SPC25: variants seen among roughly 807,000 people sequenced by gnomAD.
SPC25 encodes kinetochore protein Spc25.
SPC25 carries 22 observed loss-of-function variants against 29.6 expected under a neutral mutation model. The ratio of observed to expected loss-of-function variants is 0.74; its 90% CI spans 0.53 to 1.06. SPC25 has a LOEUF of 1.06. Ranked by LOEUF, SPC25 falls within the 50% of genes least tolerant of loss-of-function variation. The pLI is 0.00. For synonymous variants in SPC25, 91 were observed against 90.4 expected (o/e 1.01, Z -0.04); for missense variants, 230 against 255.8 (o/e 0.90, Z 0.69).
At chr2:168,880,883 A>T (rs1237620062) in intron 3 of SPC25, among the ~76,000 whole-genome samples, 1 of 152,182 alleles carries the variant, frequency 6.6e-6, no homozygotes, top group Non-Finnish European at 1.5e-5. Context: ...GGTGTCATTC[A>T]TGGCACTTAA....
chr2:168,878,781 G>A (rs1363603262), intron 3 of SPC25, among the ~76,000 whole-genome samples: 1 of 152,072 alleles, frequency 6.6e-6, no homozygotes, highest in East Asian at 1.9e-4. Flanking sequence ...ATTCGTTTTT[G>A]TTCTTTGTTT....
intron 3 of SPC25, 126 bp downstream of exon 3, chr2:168,889,100 T>C (rs560325217): frequency 1.6e-4 from 83 of 506,306 alleles, no homozygotes; most frequent in African/African-American, 1.5e-3. Flanking sequence ...TACACATATA[T>C]ATATACACAC....
intron 3 of SPC25, among the ~76,000 whole-genome samples, chr2:168,886,261 G>A (rs1180299617): frequency 6.6e-6 from 1 of 151,894 alleles, no homozygotes; most frequent in African/African-American, 2.4e-5. Context: ...TCACTATATT[G>A]CCCAGGCTGG....
chr2:168,883,770 T>C (rs939254023), intron 3 of SPC25, among the ~76,000 whole-genome samples: 1 of 145,856 alleles, frequency 6.9e-6, no homozygotes, highest in Admixed American at 6.7e-5. Flanking sequence ...ATGACCATTT[T>C]TTTTTCTTTT....
intron 3 of SPC25, among the ~76,000 whole-genome samples, chr2:168,883,758 G>C (rs1047823199): frequency 6.6e-6 from 1 of 150,962 alleles, no homozygotes; most frequent in Non-Finnish European, 1.5e-5. Context: ...CCTCGATGCT[G>C]TATGACCATT....
chr2:168,888,957 G>GTATATA lies in SPC25; in HGVS notation c.199+263_199+268dup, dbSNP rs796932662. Among the ~76,000 whole-genome samples the GTATATA allele has an allele frequency of 3.9e-4, 36 of 91,666 alleles. 1 individual carries two copies. Among genetic ancestry groups the GTATATA allele is most frequent in the African/African-American group, 1.4e-3 (31 of 21,548 alleles). 60.1% of individuals were successfully genotyped at this position (91,666 alleles called of 152,430 possible). A position where few individuals can be genotyped will look rare whatever the true frequency, so the allele number is the denominator to read the frequency against. On this transcript the variant is annotated intron_variant, in intron 3 of 6. Coordinates refer to ENST00000282074, the MANE Select transcript of SPC25 (RefSeq NM_020675.4). Reference sequence around the variant, plus strand: ...TGTGTGTGTGTGTGTGTGTGTGTGTGTATATATATATATATACACACACAC... The same window carrying GTATATA: ...TGTGTGTGTGTGTGTGTGTGTGTGTGTATATATATATATATATATATACACACACAC...
intron 3 of SPC25, among the ~76,000 whole-genome samples, chr2:168,882,624 A>AATAAATAG (rs139351774): frequency 3.3e-5 from 5 of 151,952 alleles, no homozygotes; most frequent in African/African-American, 9.7e-5. Flanking sequence ...TAAATAAATA[A>AATAAATAG]ACAGACAGAC....
At chr2:168,864,780 C>G in intron 4 of SPC25, 1 of 1,600,090 alleles carries the variant, frequency 6.2e-7, no homozygotes, top group Non-Finnish European at 8.5e-7. Flanking sequence ...ATCAATCGGG[C>G]TGAGGCATGT....
intron 4 of SPC25, among the ~76,000 whole-genome samples, chr2:168,864,487 T>A (rs529105898): frequency 2.8e-4 from 27 of 97,782 alleles, no homozygotes; most frequent in African/African-American, 7.8e-4. Flanking sequence ...GGTTTCACCA[T>A]GTTGGTCAGG....
chr2:168,866,062 G>A (rs1689842280), downstream of SPC25, among the ~76,000 whole-genome samples: 1 of 152,300 alleles, frequency 6.6e-6, no homozygotes, highest in Admixed American at 6.5e-5. Flanking sequence ...GTAATTTATA[G>A]ATTCAATGCC....
At chr2:168,861,545 G>T (rs1286642043) in intron 4 of SPC25, among the ~76,000 whole-genome samples, 3 of 151,606 alleles carry the variant, frequency 2.0e-5, no homozygotes, top group Non-Finnish European at 2.9e-5. Context: ...ATATATTAAG[G>T]AGTCACTGTT....
downstream of SPC25, among the ~76,000 whole-genome samples, chr2:168,869,589 AG>A (rs954278752): frequency 6.6e-6 from 1 of 152,212 alleles, no homozygotes; most frequent in African/African-American, 2.4e-5. Context: ...CCAAATCATG[AG>A]TGAACTCCCA....
chr2:168,877,257 T>C lies in SPC25; in HGVS notation c.327A>G (p.Glu109=). Residue 109 remains glutamate (E), a synonymous_variant, in exon 4 of 7, where the codon GAA becomes GAG. Coordinates refer to ENST00000282074, the MANE Select transcript of SPC25 (RefSeq NM_020675.4). ...LTANIQDLKE[E]YSRKKETIST... ...ACTTACTTTCCTTCTTCCTAGAATA[T>C]TCTTCCTTAAGATCCTGGATATTTG... 1.9e-6 allele frequency: 3 copies of C among 1,613,556 alleles called. No homozygotes were observed. Among genetic ancestry groups the C allele is most frequent in the Non-Finnish European group, 2.5e-6 (3 of 1,179,770 alleles).
At chr2:168,861,814 A>G in intron 4 of SPC25, 2 of 679,348 alleles carry the variant, frequency 2.9e-6, no homozygotes, top group Non-Finnish European at 5.0e-6. Flanking sequence ...CAAGGAATGA[A>G]CATTATATAA....
chr2:168,876,027 A>G (rs778757733), intron 5 of SPC25, 45 bp downstream of exon 5: 1 of 1,105,172 alleles, frequency 9.0e-7, no homozygotes, highest in Non-Finnish European at 1.2e-6. Flanking sequence ...AAGAAAAGAC[A>G]TACTTTTGTA....
chr2:168,889,304 T>C lies in SPC25; in HGVS notation c.134-13A>G, dbSNP rs1012891589. On this transcript the variant is annotated splice_polypyrimidine_tract_variant and intron_variant, in intron 2 of 6. Transcript: ENST00000282074. ...ACAGACAGCTTTTCTGAAAGAGAAA[T>C]TGAACTTTCAATTCAGCTGCAATAA... is the stretch of plus-strand genomic sequence containing the variant. 4.3e-6 allele frequency: 7 copies of C among 1,613,672 alleles called. No individual in the cohort carries two copies. The highest frequency in any genetic ancestry group is 1.3e-5 in the African/African-American group (1 of 74,832).
intron 3 of SPC25, among the ~76,000 whole-genome samples, chr2:168,883,424 A>G (rs1401717481): frequency 1.3e-5 from 2 of 152,234 alleles, no homozygotes; most frequent in African/African-American, 4.8e-5. Context: ...TCTTACTAGA[A>G]AGAAAAATGC....
At position 168,864,743 on chromosome 2, in the gene SPC25, T is replaced by C. The variant is rs184365209; in HGVS notation, n.419+8842A>G. The C allele has an allele frequency of 5.4e-6, 8 of 1,468,576 alleles. No homozygotes were observed. The East Asian group carries it at 1.1e-4, about 21-fold the overall frequency. The allele number at this position is 1,468,576 out of a possible 1,614,324, so 91.0% of individuals were successfully genotyped here. On this transcript the variant is annotated intron_variant and non_coding_transcript_variant, in intron 4 of 4. Transcript: ENST00000479309. ...GAAAATGACACTACCAAGTAAATCC[T>C]TGAAGCAGAACCTCCTTAAAACTCT...
chr2:168,886,140 A>G (rs918020680), intron 3 of SPC25, among the ~76,000 whole-genome samples: 2 of 147,100 alleles, frequency 1.4e-5, no homozygotes, highest in African/African-American at 5.1e-5. Flanking sequence ...TGTAACCTCA[A>G]TCTCCTGGGC....
Sources: allele counts gnomAD v4.1 joint callset (sites outside exome capture counted in the v4.1 genomes callset), GRCh38; gene constraint gnomAD v4.1.1; transcripts MANE v1.5; gene names NCBI Gene and HGNC (gene_info 2026-07-23, HGNC 2026-07-21).